Variants in KAZN observed in about 807,000 individuals in gnomAD.
The protein encoded by KAZN is kazrin.
A neutral mutation model predicts 87.4 loss-of-function variants in KAZN; 40 were observed. That is an observed-to-expected ratio of 0.46 (90% confidence interval 0.36 to 0.60). The LOEUF (loss-of-function observed/expected upper bound fraction) is 0.60. Among genes scored for constraint, KAZN ranks in the 20% least tolerant of loss-of-function variants. KAZN has a pLI of 0.00. For synonymous variants in KAZN, 466 were observed against 458.3 expected (o/e 1.02, Z -0.22); for missense variants, 898 against 1,073.9 (o/e 0.84, Z 2.29).
At chr1:14,601,712 A>T (rs1021705091) in intron 1 of KAZN, among the ~76,000 whole-genome samples, 2 of 152,136 alleles carry the variant, frequency 1.3e-5, no homozygotes, top group African/African-American at 4.8e-5. Flanking sequence ...CTTCCAAATT[A>T]GTCTTGTGTT....
At position 14,632,625 on chromosome 1, in the gene KAZN, C is replaced by T. The variant is rs756683543; in HGVS notation, c.226+33402C>T. On this transcript the variant is annotated intron_variant, in intron 1 of 14. Transcript: ENST00000376030. ...GAATTCTACTCATTTTCCTGCCCAC[C>T]CAAAGGCTACAGGTAATCATCTCCT... Among the ~76,000 whole-genome samples, 92 of 151,264 alleles carry T rather than the reference C, an allele frequency of 6.1e-4. No individual in the cohort carries two copies. The Middle Eastern group carries it at 0.024, about 39-fold the overall frequency.
chr1:15,044,088 G>T lies in KAZN; in HGVS notation c.655G>T (p.Ala219Ser). The change falls in exon 4 of 15, where the codon GCC (alanine) becomes TCC (serine). Residue 219 changes from alanine to serine, a missense_variant. Around this residue, in one of 3 missense-constraint regions of KAZN, gnomAD observed 521 missense variants for 689.4 expected, o/e 0.76. Transcript: ENST00000376030. ...CCAAGCCAAGGAGGCCACAGACCACGCCACGGCACTGCGCTCCCAGCTGGA... is the reference window on the plus strand; with the variant it reads ...CCAAGCCAAGGAGGCCACAGACCACTCCACGGCACTGCGCTCCCAGCTGGA... Reference protein sequence around the residue: ...RRQAKEATDHATALRSQLDLK... With the variant: ...RRQAKEATDHSTALRSQLDLK... The T allele has an allele frequency of 6.2e-7, 1 of 1,612,778 alleles. No homozygotes were observed. The highest frequency in any genetic ancestry group is 8.5e-7 in the Non-Finnish European group (1 of 1,179,778).
intron 2 of KAZN, among the ~76,000 whole-genome samples, chr1:14,544,350 CTTTTTTTTTT>C: frequency 1.0e-5 from 1 of 98,128 alleles, no homozygotes; most frequent in East Asian, 3.2e-4. Flanking sequence ...TTCTTTCTTT[CTTTTTTTTTT>C]TTTTTTTTTG....
intron 1 of KAZN, among the ~76,000 whole-genome samples, chr1:14,086,365 C>G (rs1382042977): frequency 2.6e-5 from 4 of 152,126 alleles, no homozygotes; most frequent in African/African-American, 9.7e-5. Context: ...AGGTCTCCCC[C>G]AACAGGACCC....
At chr1:14,774,724 A>G (rs910689922) in intron 1 of KAZN, among the ~76,000 whole-genome samples, 1 of 152,040 alleles carries the variant, frequency 6.6e-6, no homozygotes, top group Non-Finnish European at 1.5e-5. Context: ...ACCTCAAGTG[A>G]TCCTCCCACC....
Position 14,598,937 on chromosome 1 carries a change from G to C in KAZN, c.-61G>C. ...TAGAGCCGGGGGTGCCCGGCCGCGCGCCCCCCGCGCATCATGCAGCTCTTT... is the reference window on the plus strand; with the variant it reads ...TAGAGCCGGGGGTGCCCGGCCGCGCCCCCCCCGCGCATCATGCAGCTCTTT... On this transcript the variant is annotated 5_prime_UTR_variant, in exon 1 of 15. Coordinates refer to ENST00000376030, the MANE Select transcript of KAZN (RefSeq NM_201628.3). The surrounding 1 kb of genome is among the most constrained non-coding windows in gnomAD (Gnocchi z 4.2). 1 of 1,554,594 alleles carries C rather than the reference G, an allele frequency of 6.4e-7. No homozygotes were observed. Among genetic ancestry groups the C allele is most frequent in the Non-Finnish European group, 8.7e-7 (1 of 1,155,042 alleles).
intron 1 of KAZN, among the ~76,000 whole-genome samples, chr1:14,636,935 G>T (rs974656326): frequency 5.3e-5 from 8 of 152,122 alleles, no homozygotes; most frequent in Non-Finnish European, 7.4e-5. Context: ...GGGGAAATTC[G>T]ACCTGAAGTT....
At chr1:14,119,106 C>A (rs756044658) in intron 1 of KAZN, among the ~76,000 whole-genome samples, 1 of 152,180 alleles carries the variant, frequency 6.6e-6, no homozygotes. Flanking sequence ...AGAGACAACA[C>A]TAGGTAAGAA....
intron 1 of KAZN, chr1:14,945,812 C>A: frequency 1.1e-6 from 1 of 940,596 alleles, no homozygotes; most frequent in Non-Finnish European, 1.3e-6. Flanking sequence ...GAGAGCCTCC[C>A]ACCAAAGGGC....
At chr1:14,093,740 G>T (rs12142427) in intron 1 of KAZN, among the ~76,000 whole-genome samples, 22,198 of 152,180 alleles carry the variant, frequency 0.15, 2,183 homozygotes, top group Middle Eastern at 0.27. Flanking sequence ...AGTTTTACAT[G>T]ACACAAAAGT....
intron 2 of KAZN, among the ~76,000 whole-genome samples, chr1:14,528,703 G>T (rs954112894): frequency 3.4e-5 from 5 of 148,052 alleles, no homozygotes; most frequent in African/African-American, 1.3e-4. Context: ...GGGCCATGAT[G>T]GTGCCACTGC....
At chr1:15,064,147 C>T (rs897607324) in intron 7 of KAZN, among the ~76,000 whole-genome samples, 1 of 152,160 alleles carries the variant, frequency 6.6e-6, no homozygotes, top group Non-Finnish European at 1.5e-5. Flanking sequence ...TTAACATTTT[C>T]AATATTCTGT....
Position 14,418,399 on chromosome 1 carries a change from T to C in KAZN, c.250-180584T>C, listed in dbSNP as rs1301074387. 3.9e-5 allele frequency among the ~76,000 whole-genome samples: 6 copies of C among 152,148 alleles called. No individual in the cohort carries two copies. In the South Asian group the frequency reaches 6.2e-4, roughly 16 times the overall value. On this transcript the variant is annotated intron_variant, in intron 2 of 16. Coordinates refer to the KAZN transcript ENST00000636203. ...AGTAGTTTGCACTGTGCCTGGCACA[T>C]AGGAAGCACTCAGGAAACAGTGGCC...
chr1:14,982,417 ATTTTTTTTTTT>A (rs71000353), intron 2 of KAZN, among the ~76,000 whole-genome samples: 6 of 64,828 alleles, frequency 9.3e-5, no homozygotes, highest in East Asian at 4.9e-4. Flanking sequence ...AGCACCTGAG[ATTTTTTTTTTT>A]TTTTTTTTTT....
intron 1 of KAZN, among the ~76,000 whole-genome samples, chr1:14,801,240 G>A (rs926756176): frequency 5.9e-5 from 9 of 152,104 alleles, no homozygotes; most frequent in East Asian, 3.9e-4. Context: ...TTCTCTCTCC[G>A]TCACCGCTCA....
intron 1 of KAZN, among the ~76,000 whole-genome samples, chr1:14,160,748 C>T (rs957028571): frequency 1.3e-5 from 2 of 152,118 alleles, no homozygotes; most frequent in African/African-American, 4.8e-5. Context: ...TAAAAGCCTC[C>T]CATTTATTTT....
At chr1:14,477,744 G>T (rs576371705) in intron 2 of KAZN, among the ~76,000 whole-genome samples, 1 of 152,228 alleles carries the variant, frequency 6.6e-6, no homozygotes, top group South Asian at 2.1e-4. Context: ...ATGCAACCTG[G>T]CTTCCTGAGC....
At chr1:15,030,036 C>T (rs1465828551) in intron 2 of KAZN, among the ~76,000 whole-genome samples, 1 of 152,154 alleles carries the variant, frequency 6.6e-6, no homozygotes, top group Non-Finnish European at 1.5e-5. Flanking sequence ...GAGTCAGGTA[C>T]CCATTCCACC....
At chr1:14,818,198 T>C (rs1646630443) in intron 1 of KAZN, among the ~76,000 whole-genome samples, 1 of 152,230 alleles carries the variant, frequency 6.6e-6, no homozygotes, top group South Asian at 2.1e-4. Flanking sequence ...AAATGCTGGG[T>C]ACTTTGTTGC....
Sources: allele counts gnomAD v4.1 joint callset (sites outside exome capture counted in the v4.1 genomes callset), GRCh38; gene constraint gnomAD v4.1.1; regional missense constraint gnomAD v4.1.1; non-coding constraint Gnocchi (gnomAD v3.1); transcripts MANE v1.5; gene names NCBI Gene and HGNC (gene_info 2026-07-23, HGNC 2026-07-21).